Variants in MIOS observed in about 807,000 individuals in gnomAD.
MIOS encodes the protein GATOR2 complex protein MIOS.
Under a neutral mutation model 96.9 loss-of-function variants are expected in MIOS, and 52 were observed. The observed-to-expected ratio is 0.54, with a 90% confidence interval of 0.43 to 0.68. The LOEUF (loss-of-function observed/expected upper bound fraction) is 0.68, where lower values mean the gene tolerates loss of function less well. MIOS is among the 30% of genes least tolerant of loss of function. MIOS has a pLI of 0.00. For missense variants in MIOS, 1,005 were observed against 1,052.8 expected (o/e 0.95, Z 0.63); for synonymous variants, 397 against 359.5 (o/e 1.10, Z -1.18).
At position 7,573,986 on chromosome 7, in the gene MIOS, C is replaced by A. The variant is rs941828381; in HGVS notation, c.1295-112C>A. On this transcript the variant is annotated intron_variant, in intron 4 of 12. Coordinates refer to ENST00000340080, the MANE Select transcript of MIOS (RefSeq NM_019005.4). The surrounding 1 kb of genome is among the most constrained non-coding windows in gnomAD (Gnocchi z 5.0). ...GAAAAGTGTATCTCTGCAATAGAGT[C>A]GAACCACCTTATTTACACTGATACT... The A allele has an allele frequency of 1.1e-6, 1 of 942,986 alleles. No individual in the cohort carries two copies. The highest frequency in any genetic ancestry group is 1.6e-6 in the Non-Finnish European group (1 of 642,618). The allele number at this position is 942,986 out of a possible 1,614,324, so 58.4% of individuals were successfully genotyped here.
chr7:7,569,992 T>G (rs1783295330), intron 3 of MIOS, among the ~76,000 whole-genome samples: 1 of 151,986 alleles, frequency 6.6e-6, no homozygotes, highest in Non-Finnish European at 1.5e-5. Flanking sequence ...TAGGTTATAC[T>G]AAGAGCAGCT....
At position 7,573,910 on chromosome 7, in the gene MIOS, G is replaced by T; in HGVS notation, c.1294+141G>T. 1 of 1,036,738 alleles carries T rather than the reference G, an allele frequency of 9.6e-7. No homozygotes were observed. Among genetic ancestry groups the T allele is most frequent in the Non-Finnish European group, 1.4e-6 (1 of 722,274 alleles). The allele number at this position is 1,036,738 out of a possible 1,614,324, so 64.2% of individuals were successfully genotyped here. ...AATACTAACATTATAAAGTAAAATT[G>T]TTCTAAACTTTCGAACTTGAAATAC... On this transcript the variant is annotated intron_variant, in intron 4 of 12. Coordinates refer to ENST00000340080, the MANE Select transcript of MIOS (RefSeq NM_019005.4). The surrounding 1 kb of genome is among the most constrained non-coding windows in gnomAD (Gnocchi z 5.0).
intron 10 of MIOS, among the ~76,000 whole-genome samples, chr7:7,595,486 C>T (rs1784177805): frequency 6.6e-6 from 1 of 152,076 alleles, no homozygotes; most frequent in South Asian, 2.1e-4. Context: ...GTTTTTTAGA[C>T]TTTAGCAGTA....
chr7:7,568,527 C>G (rs1246341477), intron 3 of MIOS, among the ~76,000 whole-genome samples: 2 of 152,236 alleles, frequency 1.3e-5, no homozygotes, highest in Non-Finnish European at 2.9e-5. Context: ...ATGCACCTCT[C>G]TATACAGGGC....
In MIOS at chr7:7,574,185, A is replaced by G; in HGVS notation, c.1382A>G (p.Lys461Arg). The G allele has an allele frequency of 6.2e-7, 1 of 1,604,352 alleles. No individual in the cohort carries two copies. The highest frequency in any genetic ancestry group is 8.5e-7 in the Non-Finnish European group (1 of 1,175,068). The change falls in exon 5 of 13, where the codon AAG (lysine) becomes AGG (arginine). Residue 461 changes from lysine (K) to arginine (R), a missense_variant. By Grantham distance (26) the Lys-to-Arg change is conservative. Transcript: ENST00000340080. ...TATGCAGGAATTAAATCAATTGTAA[A>G]GTCATCGTTGGGTAAGAAAATTCTA... Reference protein sequence around the residue: ...LVYAGIKSIVKSSLGMVESSR... With the variant: ...LVYAGIKSIVRSSLGMVESSR...
intron 5 of MIOS, chr7:7,581,774 CAGCAGGAGATCTGTCTCCTGCT>C (rs1783733912): frequency 6.6e-6 from 1 of 152,234 alleles, no homozygotes; most frequent in South Asian, 2.1e-4. Context: ...TCAAGATCAT[CAGCAGGAGATCTGTCTCCTGCT>C]GCTTCTCTCT....
intron 11 of MIOS, among the ~76,000 whole-genome samples, chr7:7,602,102 C>A (rs556474125): frequency 2.6e-5 from 4 of 152,070 alleles, no homozygotes; most frequent in Admixed American, 1.3e-4. Flanking sequence ...TATGACACAC[C>A]CACAGCCAAT....
chr7:7,585,678 A>T lies in MIOS; in HGVS notation c.1691A>T (p.Tyr564Phe). Residue 564 changes from tyrosine (Y) to phenylalanine (F), a missense_variant, in exon 7 of 13, where the codon TAT (tyrosine) becomes TTT (phenylalanine). By Grantham distance (22) the Tyr-to-Phe change is conservative. Transcript: ENST00000340080. ...LNVVAMALSG[Y>F]TDEKNSLWRE... is the part of the protein sequence containing the mutation. ...GTGGTAGCAATGGCTTTATCGGGTT[A>T]TACGGATGAGAAGAACTCCCTTTGG... 6.2e-7 allele frequency: 1 copy of T among 1,608,572 alleles called. No homozygotes were observed.
rs1784522505 is a variant in MIOS at position 7,606,087 on chromosome 7, C to T, written c.2531+16C>T. On this transcript the variant is annotated intron_variant, in intron 12 of 12. Transcript: ENST00000340080. ...GTTGGTTCAGGTAATCAGCACATTTCTTCTTTGATAGGCTTGGAGTTATGG... is the reference window on the plus strand; with the variant it reads ...GTTGGTTCAGGTAATCAGCACATTTTTTCTTTGATAGGCTTGGAGTTATGG... The T allele has an allele frequency of 6.2e-7, 1 of 1,612,750 alleles. No homozygotes were observed. Among genetic ancestry groups the T allele is most frequent in the East Asian group, 2.2e-5 (1 of 44,814 alleles).
chr7:7,587,357 T>C (rs1040848196), intron 7 of MIOS, among the ~76,000 whole-genome samples: 1 of 152,170 alleles, frequency 6.6e-6, no homozygotes, highest in Non-Finnish European at 1.5e-5. Context: ...ATTTGAGTTA[T>C]TAGATAACAG....
intron 5 of MIOS, among the ~76,000 whole-genome samples, chr7:7,581,342 T>C (rs1461462318): frequency 6.6e-6 from 1 of 152,178 alleles, no homozygotes; most frequent in Non-Finnish European, 1.5e-5. Context: ...TAATTTAACT[T>C]GCAAATGACA....
intron 11 of MIOS, among the ~76,000 whole-genome samples, 199 bp downstream of exon 11, chr7:7,596,660 G>C (rs1314888605): frequency 1.3e-5 from 2 of 152,046 alleles, no homozygotes; most frequent in African/African-American, 4.8e-5. Context: ...TGATACTTCA[G>C]GTAATTTCAC....
In MIOS at chr7:7,573,305, C is replaced by T; in HGVS notation, c.830C>T (p.Pro277Leu). The change falls in exon 4 of 13, where the codon CCC becomes CTC. Residue 277 changes from proline to leucine, a missense_variant. Physicochemically the swap from Pro to Leu is moderately conservative, Grantham distance 98. This residue lies in a region of MIOS where 865 missense variants were observed against 887.9 expected (regional missense o/e 0.97). Coordinates refer to ENST00000340080, the MANE Select transcript of MIOS (RefSeq NM_019005.4). This position sits in a 1 kb window ranked among gnomAD's most constrained non-coding sequence, Gnocchi z 5.0. ...CCCTTAACAAAAGTAGCATGGTGTCCCACTAGGACTGGTCTACTTGCCACT... is the reference window on the plus strand; with the variant it reads ...CCCTTAACAAAAGTAGCATGGTGTCTCACTAGGACTGGTCTACTTGCCACT... Reference protein sequence around the residue: ...PKPLTKVAWCPTRTGLLATLT... With the variant: ...PKPLTKVAWCLTRTGLLATLT... 6.2e-7 allele frequency: 1 copy of T among 1,613,954 alleles called. No homozygotes were observed. The highest frequency in any genetic ancestry group is 8.5e-7 in the Non-Finnish European group (1 of 1,179,918).
intron 3 of MIOS, among the ~76,000 whole-genome samples, chr7:7,570,733 C>T (rs1783322901): frequency 6.6e-6 from 1 of 152,044 alleles, no homozygotes; most frequent in African/African-American, 2.4e-5. Flanking sequence ...ATAGGGTTTG[C>T]ACTCCTGTGA....
chr7:7,595,272 C>A, intron 10 of MIOS, 140 bp downstream of exon 10: 2 of 902,750 alleles, frequency 2.2e-6, no homozygotes, highest in Non-Finnish European at 3.2e-6. Context: ...TGTCCTTGAT[C>A]TTCCTGTCCT....
chr7:7,589,983 G>T (rs1277633141), intron 9 of MIOS, among the ~76,000 whole-genome samples: 1 of 152,078 alleles, frequency 6.6e-6, no homozygotes, highest in Non-Finnish European at 1.5e-5. Context: ...ATCATTGGGG[G>T]TATTTGGGGT....
intron 6 of MIOS, among the ~76,000 whole-genome samples, chr7:7,583,846 C>T (rs1397640720): frequency 6.6e-6 from 1 of 152,098 alleles, no homozygotes; most frequent in Non-Finnish European, 1.5e-5. Flanking sequence ...AAAAAGCATA[C>T]TTTGATCTTC....
chr7:7,597,823 C>T (rs1226495669), intron 11 of MIOS, among the ~76,000 whole-genome samples: 1 of 151,862 alleles, frequency 6.6e-6, no homozygotes, highest in Non-Finnish European at 1.5e-5. Context: ...GGTGATCCTC[C>T]CACCTCAGCC....
At chr7:7,567,247 CG>C in intron 1 of MIOS, 175 bp downstream of exon 1, 1 of 152,358 alleles carries the variant, frequency 6.6e-6, no homozygotes, top group Non-Finnish European at 1.5e-5. Flanking sequence ...CGGGAGCCAC[CG>C]GGGGCTGCGG....
Sources: allele counts gnomAD v4.1 joint callset (sites outside exome capture counted in the v4.1 genomes callset), GRCh38; gene constraint gnomAD v4.1.1; regional missense constraint gnomAD v4.1.1; non-coding constraint Gnocchi (gnomAD v3.1); transcripts MANE v1.5; gene names NCBI Gene and HGNC (gene_info 2026-07-23, HGNC 2026-07-21).